The following FOCAD variants were observed in gnomAD, a reference collection of about 807,000 sequenced individuals.
The protein encoded by FOCAD is KIAA1797.
Under a neutral mutation model 225.6 loss-of-function variants are expected in FOCAD, and 198 were observed. The ratio of observed to expected loss-of-function variants is 0.88; its 90% CI spans 0.78 to 0.99. FOCAD has a LOEUF of 0.99. Among genes scored for constraint, FOCAD ranks in the 50% least tolerant of loss-of-function variants. The pLI, the probability that FOCAD is intolerant of heterozygous loss-of-function variation, is 0.00. For synonymous variants in FOCAD, 897 were observed against 755.0 expected, an observed-to-expected ratio of 1.19 and a Z score of -3.08; for missense variants, 2,713 against 2,123.6, an observed-to-expected ratio of 1.28 and a Z score of -5.46.
At position 20,770,137 on chromosome 9, in the gene FOCAD, A is replaced by T. The variant is rs758140968; in HGVS notation, c.805A>T (p.Ser269Cys). ...CTGGAAAATTCAGCTTACCCAGATG[A>T]GTCTTCAGCTGCTGTGTGTCAGTGA... ...VFWKIQLTQM[S>C]LQLLCVSEVS... The change falls in exon 8 of 44, where the codon AGT (serine) becomes TGT (cysteine). Residue 269 changes from serine to cysteine, a missense_variant. Transcript: ENST00000338382. The T allele has an allele frequency of 1.2e-6, 2 of 1,614,112 alleles. No homozygotes were observed. The highest frequency in any genetic ancestry group is 2.7e-5 in the African/African-American group (2 of 75,062).
chr9:20,953,162 A>G (rs894914737), intron 35 of FOCAD, 97 bp downstream of exon 35: 6 of 962,724 alleles, frequency 6.2e-6, no homozygotes, highest in Admixed American at 2.5e-5. Flanking sequence ...ATCAAGCAAT[A>G]TAAATCTGAA....
chr9:20,910,458 T>A (rs1168181597), intron 22 of FOCAD, among the ~76,000 whole-genome samples: 1 of 152,088 alleles, frequency 6.6e-6, no homozygotes, highest in Non-Finnish European at 1.5e-5. Flanking sequence ...AGTTACTCTA[T>A]GGCAATTTAT....
At chr9:20,758,261 GT>G (rs200543026) in intron 6 of FOCAD, 70 bp downstream of exon 6, 291 of 1,026,860 alleles carry the variant, frequency 2.8e-4, no homozygotes, top group South Asian at 3.9e-4. Context: ...TAGAGCTAGG[GT>G]TTTTTTTTGT....
At chr9:20,846,473 G>A (rs1352445482) in intron 15 of FOCAD, among the ~76,000 whole-genome samples, 1 of 152,058 alleles carries the variant, frequency 6.6e-6, no homozygotes, top group African/African-American at 2.4e-5. Context: ...CTACGTAATT[G>A]TGAGGATTAA....
chr9:20,771,894 G>A (rs62557530), intron 8 of FOCAD, among the ~76,000 whole-genome samples: 29,000 of 152,190 alleles, frequency 0.19, 3,124 homozygotes, highest in South Asian at 0.33. Context: ...GATAGGGAGA[G>A]TATGAGCTCT....
At chr9:20,666,417 G>C (rs994952432) in intron 2 of FOCAD, among the ~76,000 whole-genome samples, 3 of 151,894 alleles carry the variant, frequency 2.0e-5, no homozygotes, top group African/African-American at 7.3e-5. Context: ...TAAAAAATAC[G>C]AAAACAGCTG....
intron 24 of FOCAD, among the ~76,000 whole-genome samples, chr9:20,918,083 G>T (rs1834020882): frequency 6.6e-6 from 1 of 152,248 alleles, no homozygotes; most frequent in East Asian, 1.9e-4. Flanking sequence ...AGAGGGCTCA[G>T]TTGCATATCA....
chr9:20,849,947 G>A (rs950260440), intron 15 of FOCAD, among the ~76,000 whole-genome samples: 1 of 151,780 alleles, frequency 6.6e-6, no homozygotes, highest in Non-Finnish European at 1.5e-5. Flanking sequence ...ATTGATTTTT[G>A]GGGAAGCATT....
intron 15 of FOCAD, among the ~76,000 whole-genome samples, chr9:20,851,873 A>G (rs972625388): frequency 3.7e-4 from 56 of 151,914 alleles, no homozygotes; most frequent in African/African-American, 1.3e-3. Flanking sequence ...TTGGAGCACA[A>G]CCATGCTCAT....
At chr9:20,762,977 G>A (rs1829745862) in intron 6 of FOCAD, among the ~76,000 whole-genome samples, 1 of 152,120 alleles carries the variant, frequency 6.6e-6, no homozygotes, top group Non-Finnish European at 1.5e-5. Flanking sequence ...CCTTTCTTTT[G>A]GCAGTTGTCA....
chr9:20,990,007 C>G, intron 41 of FOCAD, 116 bp from the exon 42 acceptor site: 1 of 1,204,666 alleles, frequency 8.3e-7, no homozygotes, highest in Non-Finnish European at 1.2e-6. Context: ...GCAGGAGGGA[C>G]TGGTTGGGTG....
intron 1 of FOCAD, among the ~76,000 whole-genome samples, chr9:20,688,958 C>T (rs913290348): frequency 2.6e-5 from 4 of 151,996 alleles, no homozygotes; most frequent in African/African-American, 7.3e-5. Context: ...TTGTTACGTG[C>T]GTATGGTAAG....
chr9:20,800,473 T>C (rs1821673710), intron 11 of FOCAD, among the ~76,000 whole-genome samples: 1 of 152,164 alleles, frequency 6.6e-6, no homozygotes, highest in Admixed American at 6.5e-5. Flanking sequence ...TCCCCATCAC[T>C]TTCAGGTACA....
At chr9:20,866,106 G>T in intron 17 of FOCAD, 130 bp downstream of exon 17, 1 of 744,970 alleles carries the variant, frequency 1.3e-6, no homozygotes. Flanking sequence ...TTTAAAAAAA[G>T]TGTGATTATT....
At chr9:20,932,312 C>T (rs1228302497) in intron 27 of FOCAD, among the ~76,000 whole-genome samples, 1 of 152,156 alleles carries the variant, frequency 6.6e-6, no homozygotes, top group East Asian at 1.9e-4. Flanking sequence ...TTACATTCCA[C>T]TTACCATGAT....
At chr9:20,816,791 G>T (rs968766635) in intron 11 of FOCAD, among the ~76,000 whole-genome samples, 1 of 151,578 alleles carries the variant, frequency 6.6e-6, no homozygotes, top group Non-Finnish European at 1.5e-5. Context: ...ATTTGGGGAA[G>T]AAAATAAAAA....
At chr9:20,911,763 T>C (rs1052063798) in intron 22 of FOCAD, among the ~76,000 whole-genome samples, 1 of 152,146 alleles carries the variant, frequency 6.6e-6, no homozygotes, top group African/African-American at 2.4e-5. Flanking sequence ...GGCCGAGGCA[T>C]TCTGAGCCCA....
Position 20,956,866 on chromosome 9 carries a change from G to T in FOCAD, c.4132+3801G>T, listed in dbSNP as rs570401560. ...CACCACCACGCCTGGCTAATTTTTT[G>T]TATTTTTAGTAGAGACGGGACTTCT... On this transcript the variant is annotated intron_variant, in intron 35 of 43. Transcript: ENST00000338382. 3.0e-4 allele frequency among the ~76,000 whole-genome samples: 45 copies of T among 152,156 alleles called. No individual in the cohort carries two copies. In the South Asian group the frequency reaches 8.7e-3, roughly 29 times the overall value.
chr9:20,942,504 T>G (rs1354416073), intron 28 of FOCAD, among the ~76,000 whole-genome samples: 2 of 152,248 alleles, frequency 1.3e-5, no homozygotes, highest in African/African-American at 2.4e-5. Context: ...CTGAATTTTC[T>G]TGGTTGAATC....
Sources: gnomAD v4.1 joint callset for allele counts (sites outside exome capture counted in the v4.1 genomes callset) on GRCh38, gnomAD v4.1.1 for gene constraint, MANE v1.5 for transcripts, NCBI Gene and HGNC (gene_info 2026-07-23, HGNC 2026-07-21) for gene names.